Variants in ATAD1 observed in about 807,000 individuals in gnomAD.
The protein encoded by ATAD1 is ATPase family AAA domain containing 1.
ATAD1 carries 18 observed loss-of-function variants against 42.7 expected under a neutral mutation model. The observed-to-expected ratio is 0.42, with a 90% CI of 0.29 to 0.63. The LOEUF is 0.63. Ranked by LOEUF, ATAD1 falls within the 20% of genes least tolerant of loss-of-function variation. The pLI is 0.19. For missense variants in ATAD1, 294 were observed against 440.4 expected (o/e 0.67, Z 2.98); for synonymous variants, 132 against 143.1 (o/e 0.92, Z 0.55).
chr10:87,787,529 G>C (rs994426716), intron 4 of ATAD1, among the ~76,000 whole-genome samples: 6 of 152,114 alleles, frequency 3.9e-5, no homozygotes. Context: ...AGAGGCAGGA[G>C]GATCATTTGA....
chr10:87,824,416 C>T (rs1311788682), intron 1 of ATAD1, among the ~76,000 whole-genome samples: 1 of 152,132 alleles, frequency 6.6e-6, no homozygotes, highest in Admixed American at 6.5e-5. Flanking sequence ...AATTTAAGAT[C>T]TACTGTATAC....
At chr10:87,764,023 T>C (rs1854618014) in intron 8 of ATAD1, among the ~76,000 whole-genome samples, 1 of 152,074 alleles carries the variant, frequency 6.6e-6, no homozygotes, top group Non-Finnish European at 1.5e-5. Flanking sequence ...CTACCAGATA[T>C]TAAAACTTAC....
chr10:87,754,593 A>T lies in ATAD1; in HGVS notation c.*94T>A. The T allele has an allele frequency of 7.2e-7, 1 of 1,393,166 alleles. No individual in the cohort carries two copies. The highest frequency in any genetic ancestry group is 9.6e-7 in the Non-Finnish European group (1 of 1,036,714). 86.3% of individuals were successfully genotyped at this position (1,393,166 alleles called of 1,614,324 possible). ...AAAACCATAAACACTGAGCTCCCTC[A>T]TTGTTTAAAGAGCACTCTTTCCGTT... is the stretch of plus-strand genomic sequence containing the variant. On this transcript the variant is annotated 3_prime_UTR_variant, in exon 10 of 10. Transcript: ENST00000680024.
intron 1 of ATAD1, among the ~76,000 whole-genome samples, chr10:87,823,367 T>C (rs1426638675): frequency 1.3e-5 from 2 of 152,208 alleles, no homozygotes; most frequent in Non-Finnish European, 2.9e-5. Flanking sequence ...CAATATTTTA[T>C]TTAGCTTTAA....
intron 8 of ATAD1, 146 bp downstream of exon 8, chr10:87,767,527 G>C: frequency 1.3e-6 from 1 of 743,500 alleles, no homozygotes; most frequent in Non-Finnish European, 2.3e-6. Flanking sequence ...TTCCTAACAG[G>C]CCATAGACCA....
rs761667050 is a variant in ATAD1, at chr10:87,754,653, C to A, written c.*34G>T. 5.6e-6 allele frequency: 9 copies of A among 1,596,776 alleles called. No individual in the cohort carries two copies. The South Asian group carries it at 1.0e-4, about 18-fold the overall frequency. ...CTAACTGATAAGAGGACACACCAAACTAGATCACTGAACTGTACAAATGAT... is the reference window on the plus strand; with the variant it reads ...CTAACTGATAAGAGGACACACCAAAATAGATCACTGAACTGTACAAATGAT... On this transcript the variant is annotated 3_prime_UTR_variant, in exon 10 of 10. Coordinates refer to ENST00000680024, the MANE Select transcript of ATAD1 (RefSeq NM_001321967.2).
intron 1 of ATAD1, among the ~76,000 whole-genome samples, chr10:87,837,265 A>G (rs1857946795): frequency 6.6e-6 from 1 of 152,210 alleles, no homozygotes; most frequent in Admixed American, 6.5e-5. Context: ...TGTTTAAATC[A>G]TATGGAGAAT....
At chr10:87,817,474 G>A (rs1031636576) in intron 1 of ATAD1, among the ~76,000 whole-genome samples, 1 of 152,122 alleles carries the variant, frequency 6.6e-6, no homozygotes, top group Non-Finnish European at 1.5e-5. Flanking sequence ...CTCCATTTCC[G>A]AGTGGAAAAC....
intron 8 of ATAD1, among the ~76,000 whole-genome samples, chr10:87,762,101 T>C (rs1854509454): frequency 6.6e-6 from 1 of 152,182 alleles, no homozygotes; most frequent in African/African-American, 2.4e-5. Flanking sequence ...GTGTAAATTA[T>C]GGCTCTGTTA....
intron 7 of ATAD1, among the ~76,000 whole-genome samples, 156 bp from the exon 8 acceptor site, chr10:87,767,879 G>T (rs1050488392): frequency 1.3e-5 from 2 of 151,734 alleles, no homozygotes; most frequent in Non-Finnish European, 2.9e-5. Flanking sequence ...TAGATTCAAG[G>T]CTCTAGAGTA....
intron 6 of ATAD1, among the ~76,000 whole-genome samples, chr10:87,771,572 T>C (rs1178519546): frequency 3.9e-5 from 6 of 152,140 alleles, no homozygotes; most frequent in African/African-American, 1.4e-4. Flanking sequence ...CATCTCATGG[T>C]ACTATCAGCA....
In ATAD1 at chr10:87,756,802, T is replaced by C. The variant is rs759492930; in HGVS notation, c.952A>G (p.Thr318Ala). Residue 318 changes from threonine to alanine, a missense_variant, in exon 9 of 10, where the codon ACA becomes GCA. Physicochemically the swap from Thr to Ala is moderately conservative, Grantham distance 58. This residue lies in a region of ATAD1 where 142 missense variants were observed against 174.6 expected (regional missense o/e 0.81). Coordinates refer to ENST00000680024, the MANE Select transcript of ATAD1 (RefSeq NM_001321967.2). ...LLCVREYVNS[T>A]SEESHDEDEI... Reference sequence around the variant, plus strand: ...AAAATAACATACCTTTCTTCTGATGTAGAATTAACATATTCTCTAACACAG... The same window carrying C: ...AAAATAACATACCTTTCTTCTGATGCAGAATTAACATATTCTCTAACACAG... 8.1e-6 allele frequency: 13 copies of C among 1,602,328 alleles called. No individual in the cohort carries two copies. In the African/African-American group the frequency reaches 1.6e-4, roughly 20 times the overall value.
At chr10:87,773,572 C>T (rs1416644937) in intron 6 of ATAD1, among the ~76,000 whole-genome samples, 3 of 152,080 alleles carry the variant, frequency 2.0e-5, no homozygotes, top group Admixed American at 2.0e-4. Flanking sequence ...TAAAAAGTGA[C>T]CGCAGTTTAA....
At chr10:87,827,600 T>C (rs2098805838) in intron 1 of ATAD1, among the ~76,000 whole-genome samples, 1 of 152,182 alleles carries the variant, frequency 6.6e-6, no homozygotes, top group Non-Finnish European at 1.5e-5. Context: ...ATGTTACTAT[T>C]GTGATTGTTC....
chr10:87,759,667 TG>T, intron 8 of ATAD1: 4 of 409,500 alleles, frequency 9.8e-6, no homozygotes, highest in South Asian at 7.1e-5. Flanking sequence ...TTCCAGTCAC[TG>T]GGGGAGCAAG....
intron 8 of ATAD1, chr10:87,759,785 C>G (rs1854397587): frequency 2.2e-6 from 1 of 455,638 alleles, no homozygotes; most frequent in African/African-American, 2.0e-5. Context: ...TCAGTTTCCT[C>G]AGCTGTAAAA....
chr10:87,837,670 GC>G lies in ATAD1; in HGVS notation c.-14+3516del, dbSNP rs59987794. ...TCAGTCCCACAGCCAGAAATCTAGT[GC>G]TTTAGTTACCCTGCTGTGGTATGTA... On this transcript the variant is annotated intron_variant, in intron 1 of 4. Transcript: ENST00000495903. Among the ~76,000 whole-genome samples, 1,716 of 152,250 alleles carry G rather than the reference GC, an allele frequency of 0.011. 145 individuals are homozygous for G. The East Asian group carries it at 0.23, about 21-fold the overall frequency.
At chr10:87,812,291 T>G (rs1299216702) in intron 2 of ATAD1, among the ~76,000 whole-genome samples, 5 of 152,162 alleles carry the variant, frequency 3.3e-5, no homozygotes, top group African/African-American at 1.2e-4. Context: ...ATTTATTTAT[T>G]TTTGAGATGG....
At chr10:87,830,438 C>A (rs923640677) in intron 1 of ATAD1, among the ~76,000 whole-genome samples, 2 of 152,202 alleles carry the variant, frequency 1.3e-5, no homozygotes, top group African/African-American at 2.4e-5. Flanking sequence ...CATCCCCACT[C>A]TCAGTTGGTG....
Sources: allele counts gnomAD v4.1 joint callset (sites outside exome capture counted in the v4.1 genomes callset), GRCh38; gene constraint gnomAD v4.1.1; regional missense constraint gnomAD v4.1.1; transcripts MANE v1.5; gene names NCBI Gene and HGNC (gene_info 2026-07-23, HGNC 2026-07-21).